Variants in ANKRD17 observed in about 807,000 individuals in gnomAD.
The protein encoded by ANKRD17 is ankyrin repeat domain-containing protein 17.
ANKRD17 carries 19 observed loss-of-function variants against 229.7 expected under a neutral mutation model. The observed-to-expected ratio is 0.08, with a 90% CI of 0.06 to 0.12. The LOEUF is 0.12. Among genes scored for constraint, ANKRD17 ranks in the 10% least tolerant of loss-of-function variants. ANKRD17 has a pLI of 1.00. For missense variants in ANKRD17, 2,176 were observed against 3,176.8 expected, an observed-to-expected ratio of 0.68 and a Z score of 7.57; for synonymous variants, 1,112 against 1,146.1, an observed-to-expected ratio of 0.97 and a Z score of 0.60.
In ANKRD17 at chr4:73,098,378, C is replaced by T; in HGVS notation, c.4716G>A (p.Arg1572=). The change falls in exon 26 of 34, where the codon AGG becomes AGA. Residue 1572 remains arginine (R), a synonymous_variant. Coordinates refer to ENST00000358602, the MANE Select transcript of ANKRD17 (RefSeq NM_032217.5). ...CGTTTTCTGGAGTAATTTTATTTTT[C>T]CTGTTTTTCCTCTTTGAACTGGTTG... is the stretch of plus-strand genomic sequence containing the variant. ...ITTTSSKRKN[R]KNKITPENVQ... is the part of the protein sequence containing the mutation. 2 of 1,614,116 alleles carry T rather than the reference C, an allele frequency of 1.2e-6. No individual in the cohort carries two copies.
chr4:73,203,945 A>C (rs1160509042), intron 1 of ANKRD17, among the ~76,000 whole-genome samples: 1 of 152,138 alleles, frequency 6.6e-6, no homozygotes, highest in Non-Finnish European at 1.5e-5. Flanking sequence ...TCTTAAAAAC[A>C]GCCATGGGGG....
intron 1 of ANKRD17, among the ~76,000 whole-genome samples, chr4:73,186,072 G>A (rs967015061): frequency 6.6e-6 from 1 of 151,866 alleles, no homozygotes; most frequent in African/African-American, 2.4e-5. Context: ...CATAAAATAA[G>A]AAATAAGAAG....
At position 73,091,151 on chromosome 4, in the gene ANKRD17, C is replaced by T; in HGVS notation, c.6477G>A (p.Met2159Ile). 6 of 1,614,126 alleles carry T rather than the reference C, an allele frequency of 3.7e-6. No individual in the cohort carries two copies. Among genetic ancestry groups the T allele is most frequent in the Non-Finnish European group, 5.1e-6 (6 of 1,180,036 alleles). The change falls in exon 29 of 34, where the codon ATG becomes ATA. Residue 2159 changes from methionine (M) to isoleucine (I), a missense_variant. This residue lies in a region of ANKRD17 where 424 missense variants were observed against 454.0 expected (regional missense o/e 0.93). Transcript: ENST00000358602. ...VPSTAPVTYP[M>I]PQTPMGCPQP... is the part of the protein sequence containing the mutation. ...GGGGGCATCCCATTGGTGTCTGAGG[C>T]ATAGGGTAAGTCACTGGGGCAGTAG... is the stretch of plus-strand genomic sequence containing the variant.
chr4:73,176,516 A>T (rs533614389), intron 2 of ANKRD17, among the ~76,000 whole-genome samples: 3 of 152,084 alleles, frequency 2.0e-5, no homozygotes, highest in Non-Finnish European at 4.4e-5. Flanking sequence ...TAATTAGAGC[A>T]CTATTCACAA....
chr4:73,247,189 A>G (rs1293130714), intron 1 of ANKRD17, among the ~76,000 whole-genome samples: 1 of 152,142 alleles, frequency 6.6e-6, no homozygotes, highest in Admixed American at 6.5e-5. Flanking sequence ...ACTTATACTC[A>G]ATGTTGACAG....
chr4:73,099,148 G>T, intron 25 of ANKRD17: 2 of 692,146 alleles, frequency 2.9e-6, no homozygotes, highest in East Asian at 6.0e-5. Flanking sequence ...AGCAGTGACC[G>T]TGTGTGCTGC....
intron 24 of ANKRD17, among the ~76,000 whole-genome samples, chr4:73,107,918 G>T (rs984003019): frequency 1.3e-5 from 2 of 152,108 alleles, no homozygotes; most frequent in African/African-American, 4.8e-5. Context: ...AAGCAATGAT[G>T]GAATCAGGGA....
chr4:73,226,389 G>GTA (rs1742503432), intron 1 of ANKRD17, among the ~76,000 whole-genome samples: 5 of 87,612 alleles, frequency 5.7e-5, no homozygotes, highest in Non-Finnish European at 6.3e-5. Context: ...CTTTTCTTCT[G>GTA]TTTTTTTTTT....
Position 73,141,860 on chromosome 4 carries a change from TA to T in ANKRD17, c.2230-18del. The T allele has an allele frequency of 6.3e-7, 1 of 1,595,118 alleles. No individual in the cohort carries two copies. The highest frequency in any genetic ancestry group is 1.1e-5 in the South Asian group (1 of 90,364). The stretch of plus-strand genomic sequence containing the variant: ...ACGAGGAGCCTAAGACAAAGGACAC[TA>T]AGTGACTATTAGTGTCCTACACAAT... On this transcript the variant is annotated intron_variant, in intron 13 of 33. Coordinates refer to ENST00000358602, the MANE Select transcript of ANKRD17 (RefSeq NM_032217.5).
intron 1 of ANKRD17, among the ~76,000 whole-genome samples, chr4:73,211,558 A>C (rs575898687): frequency 1.3e-5 from 2 of 152,250 alleles, no homozygotes; most frequent in East Asian, 3.9e-4. Flanking sequence ...TAAGAAATCT[A>C]ATTGTCGGCC....
intron 18 of ANKRD17, 93 bp from the exon 19 acceptor site, chr4:73,121,852 A>T: frequency 7.8e-7 from 1 of 1,277,616 alleles, no homozygotes; most frequent in Non-Finnish European, 1.0e-6. Context: ...TATACTGTAC[A>T]ATAAAAGAAG....
At chr4:73,200,792 T>A (rs1310138118) in intron 1 of ANKRD17, among the ~76,000 whole-genome samples, 3 of 152,010 alleles carry the variant, frequency 2.0e-5, no homozygotes, top group Non-Finnish European at 4.4e-5. Flanking sequence ...ACCTGTAATT[T>A]CTCAATACTG....
At chr4:73,144,395 C>T (rs1450839467) in intron 11 of ANKRD17, among the ~76,000 whole-genome samples, 1 of 152,096 alleles carries the variant, frequency 6.6e-6, no homozygotes, top group Admixed American at 6.6e-5. Flanking sequence ...TTGCCACAAA[C>T]TTTTTTAGTG....
intron 24 of ANKRD17, among the ~76,000 whole-genome samples, chr4:73,110,861 C>A (rs970373261): frequency 6.6e-6 from 1 of 152,146 alleles, no homozygotes; most frequent in East Asian, 1.9e-4. Flanking sequence ...ATTAAGAATT[C>A]TTCATTAGCT....
chr4:73,106,031 TTTTCTCTCAC>T (rs1386500007), intron 24 of ANKRD17, among the ~76,000 whole-genome samples: 24 of 152,180 alleles, frequency 1.6e-4, no homozygotes, highest in African/African-American at 5.5e-4. Context: ...ACTTTCTATA[TTTTCTCTCAC>T]TTTCTCTCAT....
chr4:73,163,442 A>G (rs576283375), intron 2 of ANKRD17, among the ~76,000 whole-genome samples: 1 of 152,166 alleles, frequency 6.6e-6, no homozygotes, highest in Non-Finnish European at 1.5e-5. Flanking sequence ...CCTGCATTTT[A>G]AAAAAGATCC....
chr4:73,225,861 C>CAAAAAAAA (rs375866026), intron 1 of ANKRD17, among the ~76,000 whole-genome samples: 63 of 66,668 alleles, frequency 9.4e-4, no homozygotes, highest in East Asian at 2.9e-3. Flanking sequence ...GACTCTGTCT[C>CAAAAAAAA]AAAAAAAAAA....
Position 73,091,910 on chromosome 4 carries a change from T to C in ANKRD17, c.5718A>G (p.Pro1906=), listed in dbSNP as rs1010717191. 2 of 1,614,032 alleles carry C rather than the reference T, an allele frequency of 1.2e-6. No individual in the cohort carries two copies. The highest frequency in any genetic ancestry group is 2.7e-5 in the African/African-American group (2 of 74,908). ...CTCCAAAGTGGGTCATGGGCAACCT[T>C]GGTGGACGGATCTGCTGGAAAGTCT... The part of the protein sequence containing the change: ...AAQTFQQIRP[P]RLPMTHFGGT... Residue 1906 remains proline, a synonymous_variant, in exon 29 of 34, where the codon CCA becomes CCG. Coordinates refer to ENST00000358602, the MANE Select transcript of ANKRD17 (RefSeq NM_032217.5).
At chr4:73,108,780 G>A (rs1030959268) in intron 24 of ANKRD17, among the ~76,000 whole-genome samples, 2 of 152,106 alleles carry the variant, frequency 1.3e-5, no homozygotes, top group South Asian at 2.1e-4. Flanking sequence ...GATCTTTACC[G>A]CAAAGGGAGG....
Sources: allele counts gnomAD v4.1 joint callset (sites outside exome capture counted in the v4.1 genomes callset), GRCh38; gene constraint gnomAD v4.1.1; regional missense constraint gnomAD v4.1.1; transcripts MANE v1.5; gene names NCBI Gene and HGNC (gene_info 2026-07-23, HGNC 2026-07-21).